STXBP5L: variants seen among roughly 807,000 people sequenced by gnomAD.
The protein encoded by STXBP5L is syntaxin-binding protein 5-like.
In STXBP5L, 65 loss-of-function variants were observed where a neutral mutation model predicts 144.5. The observed-to-expected ratio is 0.45, with a 90% CI of 0.37 to 0.55. STXBP5L has a LOEUF of 0.55. Among genes scored for constraint, STXBP5L ranks in the 20% least tolerant of loss-of-function variants. The probability of loss-of-function intolerance (pLI) is 0.00; values close to 1 mark genes in which losing one functional copy is unlikely to be tolerated. For synonymous variants in STXBP5L, 505 were observed against 469.6 expected, an observed-to-expected ratio of 1.08 and a Z score of -0.97; for missense variants, 1,298 against 1,405.5, an observed-to-expected ratio of 0.92 and a Z score of 1.22.
chr3:121,318,488 G>A lies in STXBP5L; in HGVS notation c.2124G>A (p.Leu708=). The A allele has an allele frequency of 6.4e-7, 1 of 1,561,630 alleles. No individual in the cohort carries two copies. The highest frequency in any genetic ancestry group is 8.7e-7 in the Non-Finnish European group (1 of 1,155,976). The change falls in exon 20 of 27, where the codon CTG becomes CTA. Residue 708 remains leucine (L), a synonymous_variant. Coordinates refer to ENST00000471454, the MANE Select transcript of STXBP5L (RefSeq NM_001308330.2). The stretch of plus-strand genomic sequence containing the variant: ...TTGTATTTTCAGGTTTAACTGAACT[G>A]AATGACAGTCCAGTTCCCCTAGAAC... ...NKQFIAGLTE[L]NDSPVPLELE... is the part of the protein sequence containing the mutation.
chr3:121,335,708 C>G (rs2044481847), intron 20 of STXBP5L, among the ~76,000 whole-genome samples: 1 of 152,132 alleles, frequency 6.6e-6, no homozygotes, highest in Non-Finnish European at 1.5e-5. Flanking sequence ...GCATAACTGG[C>G]TAGCTAAATG....
intron 5 of STXBP5L, among the ~76,000 whole-genome samples, chr3:121,080,037 T>A (rs551903128): frequency 6.6e-6 from 1 of 152,356 alleles, no homozygotes; most frequent in East Asian, 1.9e-4. Flanking sequence ...AGAATTGTAA[T>A]ATCTTCCTTT....
At chr3:121,369,780 C>G (rs983075014) in intron 20 of STXBP5L, among the ~76,000 whole-genome samples, 2 of 152,062 alleles carry the variant, frequency 1.3e-5, no homozygotes, top group Non-Finnish European at 2.9e-5. Context: ...TAGTTTCATT[C>G]ATTTTGATGT....
At position 121,167,075 on chromosome 3, in the gene STXBP5L, G is replaced by T. The variant is rs963991313; in HGVS notation, c.877+9448G>T. 5.9e-5 allele frequency among the ~76,000 whole-genome samples: 9 copies of T among 152,290 alleles called. No individual in the cohort carries two copies. The South Asian group carries it at 1.0e-3, about 18-fold the overall frequency. The stretch of plus-strand genomic sequence containing the variant: ...CCATTTCTGAAATAAAGGAGGATAT[G>T]ACTCTTGGAGTCCAAGTGGTAAAGA... On this transcript the variant is annotated intron_variant, in intron 9 of 26. Transcript: ENST00000471454.
intron 9 of STXBP5L, among the ~76,000 whole-genome samples, chr3:121,183,600 A>G (rs1226552703): frequency 2.0e-5 from 3 of 151,850 alleles, no homozygotes; most frequent in Admixed American, 6.6e-5. Context: ...GAAGAAAGAA[A>G]GAAAGAGAAA....
chr3:121,306,883 T>C (rs1467010112), intron 19 of STXBP5L, among the ~76,000 whole-genome samples: 1 of 152,052 alleles, frequency 6.6e-6, no homozygotes, highest in East Asian at 1.9e-4. Flanking sequence ...GAACATCTGG[T>C]GGATGCTAAG....
At chr3:121,045,927 A>G (rs1455550961) in intron 5 of STXBP5L, among the ~76,000 whole-genome samples, 4 of 152,136 alleles carry the variant, frequency 2.6e-5, no homozygotes, top group African/African-American at 7.2e-5. Context: ...GAGAGATGGC[A>G]TCCTTGTCTT....
At chr3:121,014,417 T>G (rs1412473842) in intron 3 of STXBP5L, among the ~76,000 whole-genome samples, 1 of 152,008 alleles carries the variant, frequency 6.6e-6, no homozygotes, top group Admixed American at 6.6e-5. Context: ...ATACAGTATA[T>G]ATTGTTTTCT....
At chr3:121,190,905 TCA>T (rs2047645722) in intron 9 of STXBP5L, among the ~76,000 whole-genome samples, 1 of 139,356 alleles carries the variant, frequency 7.2e-6, no homozygotes, top group East Asian at 2.2e-4. Context: ...CCAGACGGGG[TCA>T]CGGCCGGGCA....
Position 121,141,249 on chromosome 3 carries a change from C to A in STXBP5L, c.670-11228C>A, listed in dbSNP as rs376002674. ...AGAAACCCTGTGTCTACTAAAAATA[C>A]AAAATTAGCTGGGGGTGGTTGCACA... On this transcript the variant is annotated intron_variant, in intron 7 of 26. Coordinates refer to ENST00000471454, the MANE Select transcript of STXBP5L (RefSeq NM_001308330.2). Among the ~76,000 whole-genome samples the A allele has an allele frequency of 1.1e-4, 16 of 151,940 alleles. No individual in the cohort carries two copies. In the East Asian group the frequency reaches 2.5e-3, roughly 24 times the overall value.
intron 9 of STXBP5L, among the ~76,000 whole-genome samples, chr3:121,171,501 A>G (rs1024642617): frequency 2.0e-5 from 3 of 152,134 alleles, no homozygotes; most frequent in African/African-American, 7.2e-5. Flanking sequence ...TAAGCAACTT[A>G]AGCAAAGTCT....
intron 18 of STXBP5L, among the ~76,000 whole-genome samples, chr3:121,262,242 C>T (rs1373429909): frequency 6.6e-6 from 1 of 152,208 alleles, no homozygotes; most frequent in Non-Finnish European, 1.5e-5. Context: ...ATGTCTTTCT[C>T]ATATGCAAAA....
intron 9 of STXBP5L, among the ~76,000 whole-genome samples, chr3:121,163,861 CTG>C (rs1431274568): frequency 2.0e-5 from 3 of 151,748 alleles, no homozygotes; most frequent in Non-Finnish European, 4.4e-5. Context: ...ACTAGAAACT[CTG>C]AGAGATAAGT....
intron 22 of STXBP5L, among the ~76,000 whole-genome samples, chr3:121,400,390 C>T (rs138069561): frequency 3.5e-4 from 53 of 152,302 alleles, no homozygotes; most frequent in Admixed American, 5.9e-4. Context: ...GTTGGTAGTA[C>T]TTGGTGACTC....
intron 7 of STXBP5L, among the ~76,000 whole-genome samples, chr3:121,141,769 G>A (rs1251202445): frequency 6.6e-6 from 1 of 151,608 alleles, no homozygotes; most frequent in Non-Finnish European, 1.5e-5. Flanking sequence ...TGCCTAAGAA[G>A]TTACACAAAA....
intron 5 of STXBP5L, 122 bp downstream of exon 5, chr3:121,045,657 T>C: frequency 1.2e-6 from 1 of 858,746 alleles, no homozygotes. Flanking sequence ...ATTTAATGTT[T>C]ATGCTTACTT....
intron 5 of STXBP5L, among the ~76,000 whole-genome samples, chr3:121,078,260 A>G (rs2042105009): frequency 6.6e-6 from 1 of 151,698 alleles, no homozygotes. Flanking sequence ...CTAGCCAGAC[A>G]TAAAGGTTCT....
intron 22 of STXBP5L, among the ~76,000 whole-genome samples, chr3:121,388,862 G>C (rs1007304274): frequency 6.6e-6 from 1 of 152,028 alleles, no homozygotes; most frequent in Non-Finnish European, 1.5e-5. Flanking sequence ...CTTTTTTGTT[G>C]TGTCTCTGCC....
At chr3:121,081,630 T>G (rs1241262808) in intron 5 of STXBP5L, among the ~76,000 whole-genome samples, 4 of 152,224 alleles carry the variant, frequency 2.6e-5, no homozygotes, top group Non-Finnish European at 5.9e-5. Flanking sequence ...TTTTTACTTA[T>G]TTAATTTTTC....
Sources: gnomAD v4.1 joint callset for allele counts (sites outside exome capture counted in the v4.1 genomes callset) on GRCh38, gnomAD v4.1.1 for gene constraint, MANE v1.5 for transcripts, NCBI Gene and HGNC (gene_info 2026-07-23, HGNC 2026-07-21) for gene names.